SLC9A9: variants seen among roughly 807,000 people sequenced by gnomAD.
SLC9A9 encodes solute carrier family 9 member A9, also known as sodium/hydrogen exchanger 9.
A neutral mutation model predicts 77.8 loss-of-function variants in SLC9A9; 62 were observed. That is an observed-to-expected ratio of 0.80 (90% CI 0.65 to 0.98). SLC9A9 has a LOEUF of 0.98. Among genes scored for constraint, SLC9A9 ranks in the 50% least tolerant of loss-of-function variants. SLC9A9 has a pLI of 0.00. For missense variants in SLC9A9, 775 were observed against 774.9 expected (o/e 1.00, Z 0.00); for synonymous variants, 320 against 283.5 (o/e 1.13, Z -1.29).
chr3:143,841,358 A>G (rs1391789229), intron 1 of SLC9A9, among the ~76,000 whole-genome samples: 1 of 151,956 alleles, frequency 6.6e-6, no homozygotes, highest in Non-Finnish European at 1.5e-5. Flanking sequence ...TTTCCTACCT[A>G]AAAAATGGTT....
intron 12 of SLC9A9, among the ~76,000 whole-genome samples, chr3:143,384,785 A>G (rs903014148): frequency 2.0e-5 from 3 of 151,776 alleles, no homozygotes; most frequent in Non-Finnish European, 4.4e-5. Flanking sequence ...GAGAACCTCC[A>G]TGAAAGGTGT....
In SLC9A9 at chr3:143,848,441, C is replaced by T. The variant is rs2009877317; in HGVS notation, c.-119G>A. ...AGAAGAAACACTGCCACTTTAGTTG[C>T]TACTTCACAAGCATTCTGCCCTGGC... On this transcript the variant is annotated 5_prime_UTR_variant, in exon 1 of 16. An upstream open reading frame in the 5' UTR loses its in-frame stop. Transcript: ENST00000316549. 1 of 1,316,924 alleles carries T rather than the reference C, an allele frequency of 7.6e-7. No individual in the cohort carries two copies. Among genetic ancestry groups the T allele is most frequent in the Non-Finnish European group, 1.1e-6 (1 of 921,728 alleles). The allele number at this position is 1,316,924 out of a possible 1,614,324, so 81.6% of individuals were successfully genotyped here.
intron 5 of SLC9A9, among the ~76,000 whole-genome samples, chr3:143,682,385 A>G (rs1023400316): frequency 6.6e-6 from 1 of 152,212 alleles, no homozygotes; most frequent in African/African-American, 2.4e-5. Context: ...CTCTTTCCAC[A>G]AAAGTATCCT....
intron 6 of SLC9A9, among the ~76,000 whole-genome samples, chr3:143,622,585 A>G (rs2038237220): frequency 6.6e-6 from 1 of 152,220 alleles, no homozygotes; most frequent in Non-Finnish European, 1.5e-5. Context: ...TGTCACCACC[A>G]GGCCTGCCCT....
At chr3:143,765,916 A>G (rs114375614) in intron 4 of SLC9A9, among the ~76,000 whole-genome samples, 1,795 of 152,288 alleles carry the variant, frequency 0.012, 32 homozygotes, top group African/African-American at 0.04. Context: ...TTTCTGTCAC[A>G]TCTCAGCCAA....
intron 6 of SLC9A9, among the ~76,000 whole-genome samples, chr3:143,608,973 A>G (rs1244377111): frequency 6.6e-6 from 1 of 152,246 alleles, no homozygotes; most frequent in Non-Finnish European, 1.5e-5. Flanking sequence ...CTAGAATAAA[A>G]TAAATTTGAA....
At chr3:143,788,098 G>A (rs2108852567) in intron 4 of SLC9A9, among the ~76,000 whole-genome samples, 1 of 152,030 alleles carries the variant, frequency 6.6e-6, no homozygotes, top group Non-Finnish European at 1.5e-5. Flanking sequence ...ATATATTATA[G>A]AAGAGGTGGT....
At chr3:143,621,579 A>G (rs1266256714) in intron 6 of SLC9A9, among the ~76,000 whole-genome samples, 3 of 152,202 alleles carry the variant, frequency 2.0e-5, no homozygotes, top group Admixed American at 6.5e-5. Flanking sequence ...GAAAACTAAC[A>G]AACAGAAAGG....
chr3:143,477,340 TTTTTTTTC>T lies in SLC9A9; in HGVS notation c.1316-10158_1316-10151del, dbSNP rs1402217282. ...TGAAGGGCTTCTTCAATTTTTTTTT[TTTTTTTTC>T]CCCCTCCCCCCGCCGCCCCCTCCCG... On this transcript the variant is annotated intron_variant, in intron 11 of 15. Transcript: ENST00000316549. Among the ~76,000 whole-genome samples, 567 of 144,880 alleles carry T rather than the reference TTTTTTTTC, an allele frequency of 3.9e-3. 3 individuals carry two copies. Among genetic ancestry groups the T allele is most frequent in the African/African-American group, 0.014 (529 of 38,684 alleles).
chr3:143,838,243 G>A (rs916925936), intron 1 of SLC9A9, among the ~76,000 whole-genome samples: 1 of 152,236 alleles, frequency 6.6e-6, no homozygotes, highest in Non-Finnish European at 1.5e-5. Context: ...TCTCAAGGAT[G>A]TGTAAGAGTT....
intron 9 of SLC9A9, among the ~76,000 whole-genome samples, chr3:143,519,255 A>G (rs1256473657): frequency 6.6e-6 from 1 of 152,218 alleles, no homozygotes; most frequent in East Asian, 1.9e-4. Context: ...TTGAAATTTT[A>G]GGTAGTGTAC....
intron 14 of SLC9A9, among the ~76,000 whole-genome samples, chr3:143,304,905 T>C (rs896257790): frequency 2.6e-5 from 4 of 152,218 alleles, no homozygotes; most frequent in African/African-American, 7.2e-5. Flanking sequence ...TATACACTTT[T>C]CTGCAGCCTA....
At chr3:143,582,903 T>A (rs2037480519) in intron 6 of SLC9A9, among the ~76,000 whole-genome samples, 1 of 152,080 alleles carries the variant, frequency 6.6e-6, no homozygotes. Flanking sequence ...TCCCAGCATT[T>A]TGGGAGGCCG....
At chr3:143,691,619 A>G (rs59662048) in intron 5 of SLC9A9, among the ~76,000 whole-genome samples, 65,503 of 151,866 alleles carry the variant, frequency 0.43, 14,314 homozygotes, top group South Asian at 0.6. Flanking sequence ...ATTACGAGTG[A>G]CCACTGCTTC....
At chr3:143,396,074 T>A (rs2033721360) in intron 12 of SLC9A9, among the ~76,000 whole-genome samples, 1 of 152,184 alleles carries the variant, frequency 6.6e-6, no homozygotes, top group East Asian at 1.9e-4. Context: ...AGAAATACCA[T>A]TTGACCCAGC....
intron 1 of SLC9A9, among the ~76,000 whole-genome samples, chr3:143,845,911 A>G (rs1243561883): frequency 6.6e-6 from 1 of 152,246 alleles, no homozygotes; most frequent in Non-Finnish European, 1.5e-5. Flanking sequence ...AACTCATGAA[A>G]GAAGAATAGG....
intron 4 of SLC9A9, among the ~76,000 whole-genome samples, chr3:143,707,025 C>T (rs1323602569): frequency 2.0e-5 from 3 of 152,090 alleles, no homozygotes; most frequent in East Asian, 1.9e-4. Flanking sequence ...GAGAGCAATG[C>T]AGGGAAGGTT....
intron 5 of SLC9A9, among the ~76,000 whole-genome samples, chr3:143,652,750 A>G (rs899966585): frequency 1.4e-5 from 2 of 145,458 alleles, no homozygotes; most frequent in Non-Finnish European, 3.0e-5. Flanking sequence ...TTCCTCGTCC[A>G]CTTGCTACCA....
At chr3:143,334,643 A>T (rs1258032556) in intron 14 of SLC9A9, among the ~76,000 whole-genome samples, 1 of 152,236 alleles carries the variant, frequency 6.6e-6, no homozygotes, top group Non-Finnish European at 1.5e-5. Context: ...GGTATGTATC[A>T]GTTTCTGGAA....
Sources: allele counts gnomAD v4.1 joint callset (sites outside exome capture counted in the v4.1 genomes callset), GRCh38; gene constraint gnomAD v4.1.1; transcripts MANE v1.5; gene names NCBI Gene and HGNC (gene_info 2026-07-23, HGNC 2026-07-21).